Variants in NGFR observed in about 807,000 individuals in gnomAD.
The protein encoded by NGFR is tumor necrosis factor receptor superfamily member 16.
A neutral mutation model predicts 43.2 loss-of-function variants in NGFR; 30 were observed. That is an observed-to-expected ratio of 0.69 (90% CI 0.52 to 0.94). The LOEUF (loss-of-function observed/expected upper bound fraction) is 0.94, where lower values mean the gene tolerates loss of function less well. Among genes scored for constraint, NGFR ranks in the 40% least tolerant of loss-of-function variants. The pLI is 0.00. For synonymous variants in NGFR, 246 were observed against 259.6 expected, an observed-to-expected ratio of 0.95 and a Z score of 0.50; for missense variants, 529 against 602.5, an observed-to-expected ratio of 0.88 and a Z score of 1.28.
Position 49,513,036 on chromosome 17 carries a change from C to T in NGFR, c.*27C>T. On this transcript the variant is annotated 3_prime_UTR_variant, in exon 6 of 6. Transcript: ENST00000172229. Reference sequence around the variant, plus strand: ...CCCAACCGGGGAGCCCCCGCCCCGCCCCACATTCCGACAACCGATGCTCCA... The same window carrying T: ...CCCAACCGGGGAGCCCCCGCCCCGCTCCACATTCCGACAACCGATGCTCCA... 1 of 1,484,444 alleles carries T rather than the reference C, an allele frequency of 6.7e-7. No homozygotes were observed. Among genetic ancestry groups the T allele is most frequent in the Non-Finnish European group, 8.9e-7 (1 of 1,117,324 alleles). The allele number at this position is 1,484,444 out of a possible 1,614,324, so 92.0% of individuals were successfully genotyped here.
chr17:49,502,840 C>CTTCCT (rs755193869), intron 2 of NGFR, among the ~76,000 whole-genome samples: 174 of 148,464 alleles, frequency 1.2e-3, no homozygotes, highest in Non-Finnish European at 2.1e-3. Flanking sequence ...TCCTTCCTTC[C>CTTCCT]TTCCTTCCTT....
chr17:49,506,432 C>T lies in NGFR; in HGVS notation c.342C>T (p.Tyr114=), dbSNP rs1473573970. 6.2e-7 allele frequency: 1 copy of T among 1,607,396 alleles called. No homozygotes were observed. The highest frequency in any genetic ancestry group is 8.5e-7 in the Non-Finnish European group (1 of 1,178,826). Residue 114 remains tyrosine, a synonymous_variant, in exon 3 of 6, where the codon TAC becomes TAT. Coordinates refer to ENST00000172229, the MANE Select transcript of NGFR (RefSeq NM_002507.4). ...DAVCRCAYGY[Y]QDETTGRCEA... is the part of the protein sequence containing the mutation. ...TGTGCCGCTGCGCCTACGGCTACTACCAGGATGAGACGACTGGGCGCTGCG... is the reference window on the plus strand; with the variant it reads ...TGTGCCGCTGCGCCTACGGCTACTATCAGGATGAGACGACTGGGCGCTGCG...
At chr17:49,506,704 G>GCGCGGGGGC in intron 3 of NGFR, 46 bp downstream of exon 3, 1 of 737,234 alleles carries the variant, frequency 1.4e-6, no homozygotes, top group Non-Finnish European at 2.0e-6. Context: ...GCGGGGGTGG[G>GCGCGGGGGC]CTGGGGGCAT....
In NGFR at chr17:49,502,224, CAGG is replaced by C; in HGVS notation, c.208+27_208+29del. ...TGGACAGTGAGTAGAGGGTGGCGGGCAGGAGGAGGGGAGAAGAATGGGAGGGAG... is the reference window on the plus strand; with the variant it reads ...TGGACAGTGAGTAGAGGGTGGCGGGCAGGAGGGGAGAAGAATGGGAGGGAG... On this transcript the variant is annotated intron_variant, in intron 2 of 5. Transcript: ENST00000172229. 1 of 1,572,540 alleles carries C rather than the reference CAGG, an allele frequency of 6.4e-7. No homozygotes were observed. Among genetic ancestry groups the C allele is most frequent in the Non-Finnish European group, 8.7e-7 (1 of 1,154,206 alleles).
intron 1 of NGFR, 64 bp from the exon 2 acceptor site, chr17:49,501,999 A>ATCCCCCCCCCCCCCC: frequency 3.0e-6 from 1 of 330,984 alleles, no homozygotes. Context: ...TCCCCGGAAG[A>ATCCCCCCCCCCCCCC]ACCCCCCCCA....
Position 49,512,673 on chromosome 17 carries a change from G to T in NGFR, c.983-35G>T, listed in dbSNP as rs1016412175. 6.5e-7 allele frequency: 1 copy of T among 1,540,896 alleles called. No homozygotes were observed. Among genetic ancestry groups the T allele is most frequent in the East Asian group, 2.3e-5 (1 of 44,154 alleles). ...CCCACTGTTGGGGAAAGGAGTTCAG[G>T]GGTAGGACCTGACTCTCCTCTGGTT... On this transcript the variant is annotated intron_variant, in intron 5 of 5. Coordinates refer to ENST00000172229, the MANE Select transcript of NGFR (RefSeq NM_002507.4). The surrounding 1 kb of genome is among the most constrained non-coding windows in gnomAD (Gnocchi z 5.2).
chr17:49,507,338 C>T (rs541081750), intron 3 of NGFR, among the ~76,000 whole-genome samples: 58 of 152,188 alleles, frequency 3.8e-4, no homozygotes, highest in African/African-American at 1.4e-3. Context: ...AACCGTGTTC[C>T]GCAGTTTAGT....
chr17:49,504,439 C>T (rs1421669078), intron 2 of NGFR, among the ~76,000 whole-genome samples: 2 of 152,226 alleles, frequency 1.3e-5, no homozygotes, highest in African/African-American at 4.8e-5. Context: ...TCATCGCTCT[C>T]CACCCCCATG....
At position 49,502,207 on chromosome 17, in the gene NGFR, G is replaced by GAGT; in HGVS notation, c.208+6_208+8dup. ...CGTGTGTGAGCCCTGCCTGGACAGT[G>GAGT]AGTAGAGGGTGGCGGGCAGGAGGAG... On this transcript the variant is annotated splice_donor_region_variant and intron_variant, in intron 2 of 5. Coordinates refer to ENST00000172229, the MANE Select transcript of NGFR (RefSeq NM_002507.4). 2 of 1,593,180 alleles carry GAGT rather than the reference G, an allele frequency of 1.3e-6. No individual in the cohort carries two copies. The highest frequency in any genetic ancestry group is 8.6e-7 in the Non-Finnish European group (1 of 1,166,412).
rs1216035203 is a variant in NGFR, at chr17:49,512,900, C to A, written c.1175C>A (p.Thr392Asn). ...PVRALLASWA[T>N]QDSATLDALL... ...CGCGCCCTGCTTGCAAGCTGGGCCA[C>A]CCAGGACAGCGCCACACTGGACGCC... The change falls in exon 6 of 6, where the codon ACC (threonine) becomes AAC (asparagine). Residue 392 changes from threonine (T) to asparagine (N), a missense_variant. Coordinates refer to ENST00000172229, the MANE Select transcript of NGFR (RefSeq NM_002507.4). The surrounding 1 kb of genome is among the most constrained non-coding windows in gnomAD (Gnocchi z 5.2). The A allele has an allele frequency of 6.2e-7, 1 of 1,612,938 alleles. No individual in the cohort carries two copies. Among genetic ancestry groups the A allele is most frequent in the Admixed American group, 1.7e-5 (1 of 59,982 alleles).
intron 1 of NGFR, among the ~76,000 whole-genome samples, chr17:49,501,088 CAG>C (rs988959649): frequency 2.0e-5 from 3 of 152,164 alleles, no homozygotes; most frequent in Non-Finnish European, 4.4e-5. Context: ...TTTAAAGGAA[CAG>C]AAATATAAAG....
rs750039401 is a variant in NGFR at position 49,512,924 on chromosome 17, C to G, written c.1199C>G (p.Ala400Gly). The stretch of plus-strand genomic sequence containing the variant: ...ACCCAGGACAGCGCCACACTGGACG[C>G]CCTCCTGGCCGCCCTGCGCCGCATC... ...WATQDSATLD[A>G]LLAALRRIQR... Residue 400 changes from alanine (A) to glycine (G), a missense_variant, in exon 6 of 6, where the codon GCC becomes GGC. Ala to Gly is a moderately conservative substitution (Grantham distance 60). Coordinates refer to ENST00000172229, the MANE Select transcript of NGFR (RefSeq NM_002507.4). This position sits in a 1 kb window ranked among gnomAD's most constrained non-coding sequence, Gnocchi z 5.2. 2 of 1,612,076 alleles carry G rather than the reference C, an allele frequency of 1.2e-6. No individual in the cohort carries two copies. The highest frequency in any genetic ancestry group is 1.7e-6 in the Non-Finnish European group (2 of 1,179,410).
chr17:49,512,809 C>G lies in NGFR; in HGVS notation c.1084C>G (p.Leu362Val). ...NGSAGDTWRH[L>V]AGELGYQPEH... ...CTCTGCGGGGGACACCTGGCGGCAC[C>G]TGGCGGGCGAGCTGGGCTACCAGCC... Residue 362 changes from leucine (L) to valine (V), a missense_variant, in exon 6 of 6, where the codon CTG (leucine) becomes GTG (valine). Transcript: ENST00000172229. This position sits in a 1 kb window ranked among gnomAD's most constrained non-coding sequence, Gnocchi z 5.2. The G allele has an allele frequency of 6.2e-7, 1 of 1,613,466 alleles. No individual in the cohort carries two copies. Among genetic ancestry groups the G allele is most frequent in the Non-Finnish European group, 8.5e-7 (1 of 1,179,964 alleles).
chr17:49,507,609 G>A (rs531598670), intron 3 of NGFR, among the ~76,000 whole-genome samples: 78 of 152,310 alleles, frequency 5.1e-4, no homozygotes, highest in African/African-American at 1.8e-3. Context: ...GGTGACGTCC[G>A]TCTCAGGGGA....
At position 49,502,113 on chromosome 17, in the gene NGFR, C is replaced by T; in HGVS notation, c.117C>T (p.His39=). 6.2e-7 allele frequency: 1 copy of T among 1,610,322 alleles called. No homozygotes were observed. The highest frequency in any genetic ancestry group is 8.5e-7 in the Non-Finnish European group (1 of 1,177,964). Residue 39 remains histidine (H), a synonymous_variant, in exon 2 of 6, where the codon CAC becomes CAT. Coordinates refer to ENST00000172229, the MANE Select transcript of NGFR (RefSeq NM_002507.4). ...CATGCCCCACAGGCCTGTACACACA[C>T]AGCGGTGAGTGCTGCAAAGCCTGCA... ...KEACPTGLYT[H]SGECCKACNL...
intron 1 of NGFR, chr17:49,496,367 C>T (rs1239637886): frequency 1.3e-5 from 2 of 152,216 alleles, no homozygotes; most frequent in Non-Finnish European, 2.9e-5. Flanking sequence ...GAACCCGCTC[C>T]CGGGGTTCCC....
chr17:49,511,427 A>T (rs1249956284), intron 4 of NGFR, among the ~76,000 whole-genome samples: 1 of 152,086 alleles, frequency 6.6e-6, no homozygotes, highest in Admixed American at 6.5e-5. Flanking sequence ...ACCTTTCCTC[A>T]GGAATGTAGA....
At position 49,510,654 on chromosome 17, in the gene NGFR, G is replaced by A; in HGVS notation, c.811G>A (p.Ala271Thr). 6.2e-7 allele frequency: 1 copy of A among 1,613,316 alleles called. No homozygotes were observed. Among genetic ancestry groups the A allele is most frequent in the African/African-American group, 1.3e-5 (1 of 74,998 alleles). ...AVVVGLVAYI[A>T]FKRWNSCKQN... is the part of the protein sequence containing the mutation. The stretch of plus-strand genomic sequence containing the variant: ...GGTTGTGGGCCTTGTGGCCTACATA[G>A]CCTTCAAGAGGTAAGAGAGGGCACG... The change falls in exon 4 of 6, where the codon GCC (alanine) becomes ACC (threonine). Residue 271 changes from alanine (A) to threonine (T), a missense_variant. By Grantham distance (58) the Ala-to-Thr change is moderately conservative. Coordinates refer to ENST00000172229, the MANE Select transcript of NGFR (RefSeq NM_002507.4).
intron 4 of NGFR, 132 bp from the exon 5 acceptor site, chr17:49,511,760 G>A: frequency 9.3e-7 from 1 of 1,078,740 alleles, no homozygotes. Context: ...AGGAGCCTTA[G>A]ATGGTGGGGT....
Sources: gnomAD v4.1 joint callset for allele counts (sites outside exome capture counted in the v4.1 genomes callset) on GRCh38, gnomAD v4.1.1 for gene constraint, Gnocchi (gnomAD v3.1) non-coding constraint, MANE v1.5 for transcripts, NCBI Gene and HGNC (gene_info 2026-07-23, HGNC 2026-07-21) for gene names.